Variants in AXDND1 observed in about 807,000 individuals in gnomAD.
The protein encoded by AXDND1 is axonemal dynein light chain domain-containing protein 1.
A neutral mutation model predicts 137.5 loss-of-function variants in AXDND1; 110 were observed. That is an observed-to-expected ratio of 0.80 (90% CI 0.69 to 0.94). The LOEUF (loss-of-function observed/expected upper bound fraction) is 0.94, where lower values mean the gene tolerates loss of function less well. AXDND1 is among the 40% of genes least tolerant of loss of function. AXDND1 has a pLI of 0.00. For missense variants in AXDND1, 1,191 were observed against 1,169.8 expected (o/e 1.02, Z -0.26); for synonymous variants, 414 against 399.7 (o/e 1.04, Z -0.43).
chr1:179,538,739 G>A (rs1050515879), intron 25 of AXDND1, among the ~76,000 whole-genome samples: 2 of 152,142 alleles, frequency 1.3e-5, no homozygotes, highest in African/African-American at 4.8e-5. Flanking sequence ...TCAAGTCCTG[G>A]ATATCCTTGT....
intron 16 of AXDND1, chr1:179,447,809 T>A: frequency 7.7e-7 from 1 of 1,299,632 alleles, no homozygotes; most frequent in Non-Finnish European, 1.1e-6. Flanking sequence ...CCAGTTCCAT[T>A]TGGCACTGTG....
chr1:179,437,311 T>C (rs1019798636), intron 15 of AXDND1, among the ~76,000 whole-genome samples: 1 of 152,160 alleles, frequency 6.6e-6, no homozygotes, highest in African/African-American at 2.4e-5. Context: ...CGGGTGATTG[T>C]CGGGTAATTG....
intron 12 of AXDND1, among the ~76,000 whole-genome samples, chr1:179,415,910 T>C (rs547315678): frequency 6.6e-6 from 1 of 152,340 alleles, no homozygotes; most frequent in South Asian, 2.1e-4. Context: ...ATAGACATCA[T>C]CTAAAATATT....
rs1667752133 is a variant in AXDND1, at chr1:179,368,984, C to T, written c.270+12C>T. 1 of 1,590,220 alleles carries T rather than the reference C, an allele frequency of 6.3e-7. No homozygotes were observed. The highest frequency in any genetic ancestry group is 8.6e-7 in the Non-Finnish European group (1 of 1,163,562). On this transcript the variant is annotated intron_variant, in intron 3 of 25. Coordinates refer to ENST00000367618, the MANE Select transcript of AXDND1 (RefSeq NM_144696.6). Reference sequence around the variant, plus strand: ...TTAAAACCCCAAAGGTTTGTATGTACATATGTAGAGTAATGGGGAACATTA... The same window carrying T: ...TTAAAACCCCAAAGGTTTGTATGTATATATGTAGAGTAATGGGGAACATTA...
At chr1:179,412,753 A>G (rs1194613257) in intron 12 of AXDND1, among the ~76,000 whole-genome samples, 1 of 152,222 alleles carries the variant, frequency 6.6e-6, no homozygotes, top group Non-Finnish European at 1.5e-5. Context: ...AACTACTTAT[A>G]GGAAGCAGCA....
At chr1:179,507,302 C>T (rs1040090781) in intron 20 of AXDND1, among the ~76,000 whole-genome samples, 1 of 152,098 alleles carries the variant, frequency 6.6e-6, no homozygotes, top group Non-Finnish European at 1.5e-5. Flanking sequence ...TATTGTAAAA[C>T]GTTTACAGTA....
At chr1:179,375,658 G>A (rs146889449) in intron 4 of AXDND1, among the ~76,000 whole-genome samples, 1 of 151,768 alleles carries the variant, frequency 6.6e-6, no homozygotes, top group African/African-American at 2.4e-5. Flanking sequence ...ATCATTTTTA[G>A]CTAACAAAAC....
intron 15 of AXDND1, among the ~76,000 whole-genome samples, chr1:179,436,341 G>A (rs4652385): frequency 1 from 152,300 of 152,320 alleles, 76,140 homozygotes; most frequent in Non-Finnish European, 1. Context: ...CCATTACTGG[G>A]TATATACCCA....
chr1:179,396,512 G>T (rs961736021), intron 11 of AXDND1, among the ~76,000 whole-genome samples: 1 of 151,914 alleles, frequency 6.6e-6, no homozygotes, highest in African/African-American at 2.4e-5. Context: ...AGCTGACATG[G>T]TGGCACGTAC....
intron 4 of AXDND1, among the ~76,000 whole-genome samples, chr1:179,376,895 C>T (rs930201905): frequency 3.3e-5 from 5 of 151,986 alleles, no homozygotes; most frequent in African/African-American, 1.2e-4. Context: ...CGTTAATGTA[C>T]AATCCTATAA....
intron 12 of AXDND1, among the ~76,000 whole-genome samples, chr1:179,413,090 T>A (rs1052073827): frequency 6.6e-6 from 1 of 152,204 alleles, no homozygotes; most frequent in Non-Finnish European, 1.5e-5. Context: ...TTAACACCTT[T>A]ATTGAAGTAC....
At chr1:179,551,435 G>C (rs199506378) in intron 25 of AXDND1, 6 of 1,613,438 alleles carry the variant, frequency 3.7e-6, no homozygotes, top group Non-Finnish European at 5.1e-6. Flanking sequence ...AGCCTTTTCC[G>C]CTTCTGCAGC....
intron 17 of AXDND1, among the ~76,000 whole-genome samples, chr1:179,473,828 T>G (rs1249919218): frequency 6.6e-6 from 1 of 152,196 alleles, no homozygotes; most frequent in African/African-American, 2.4e-5. Context: ...AGGAACTTGC[T>G]TCTTTCTCCC....
chr1:179,465,823 G>A (rs896859315), intron 16 of AXDND1, among the ~76,000 whole-genome samples: 9 of 152,152 alleles, frequency 5.9e-5, no homozygotes, highest in East Asian at 1.9e-4. Context: ...TAGCAATGGC[G>A]GACGCCCCTC....
chr1:179,529,730 G>A lies in AXDND1; in HGVS notation c.2715+1299G>A, dbSNP rs555247189. 7.2e-5 allele frequency among the ~76,000 whole-genome samples: 11 copies of A among 152,296 alleles called. No homozygotes were observed. The South Asian group carries it at 2.3e-3, about 32-fold the overall frequency. Reference sequence around the variant, plus strand: ...GGGTCCTGGAAAGGCATAGAAAGGGGAAGCGGCGGTGACTGCTTTAATGGA... The same window carrying A: ...GGGTCCTGGAAAGGCATAGAAAGGGAAAGCGGCGGTGACTGCTTTAATGGA... On this transcript the variant is annotated intron_variant, in intron 23 of 25. Coordinates refer to ENST00000367618, the MANE Select transcript of AXDND1 (RefSeq NM_144696.6).
rs117965311 is a variant in AXDND1 at position 179,366,004 on chromosome 1, C to G, written c.-107+4C>G. 9.1e-3 allele frequency: 1,396 copies of G among 152,910 alleles called. 41 individuals carry two copies. Among genetic ancestry groups the G allele is most frequent in the Admixed American group, 0.056 (863 of 15,352 alleles). 9.5% of individuals were successfully genotyped at this position (152,910 alleles called of 1,614,324 possible). On this transcript the variant is annotated splice_donor_region_variant and intron_variant, in intron 1 of 25. Coordinates refer to ENST00000367618, the MANE Select transcript of AXDND1 (RefSeq NM_144696.6). Reference sequence around the variant, plus strand: ...GAAGTGAGCGGATGCTGGGCGGGTACGCAATGTGTGGGTAGGATCGCGGGT... The same window carrying G: ...GAAGTGAGCGGATGCTGGGCGGGTAGGCAATGTGTGGGTAGGATCGCGGGT...
rs1658830617 is a variant in AXDND1 at position 179,440,473 on chromosome 1, CA to C, written c.1564-4494del. Among the ~76,000 whole-genome samples, 4 of 152,316 alleles carry C rather than the reference CA, an allele frequency of 2.6e-5. No homozygotes were observed. In the South Asian group the frequency reaches 8.3e-4, roughly 32 times the overall value. Reference sequence around the variant, plus strand: ...CCATTTGCCAAATTTCATTTGGAGCCAAACCTCATAGGTTACAGCATTCTAC... The same window carrying C: ...CCATTTGCCAAATTTCATTTGGAGCCAACCTCATAGGTTACAGCATTCTAC... On this transcript the variant is annotated intron_variant, in intron 15 of 25. Coordinates refer to ENST00000367618, the MANE Select transcript of AXDND1 (RefSeq NM_144696.6).
intron 21 of AXDND1, among the ~76,000 whole-genome samples, chr1:179,515,864 T>G (rs1192145675): frequency 2.0e-5 from 3 of 152,230 alleles, no homozygotes; most frequent in Admixed American, 2.0e-4. Context: ...AGACTGCAGA[T>G]AAGATAGCAG....
chr1:179,375,399 C>T lies in AXDND1; in HGVS notation c.375-3238C>T, dbSNP rs575963701. 9.3e-4 allele frequency among the ~76,000 whole-genome samples: 141 copies of T among 151,934 alleles called. 1 individual carries two copies. The highest frequency in any genetic ancestry group is 1.7e-3 in the Admixed American group (26 of 15,230). On this transcript the variant is annotated intron_variant, in intron 4 of 25. Transcript: ENST00000367618. ...GATTATAGGCGCGAGCCACCATGCC[C>T]GGCCCCAACATATTCTTTAATTATA...
Sources: gnomAD v4.1 joint callset for allele counts (sites outside exome capture counted in the v4.1 genomes callset) on GRCh38, gnomAD v4.1.1 for gene constraint, MANE v1.5 for transcripts, NCBI Gene and HGNC (gene_info 2026-07-23, HGNC 2026-07-21) for gene names.